Variants in LEF1 observed in about 807,000 individuals in gnomAD.
The protein encoded by LEF1 is lymphoid enhancer binding factor 1.
LEF1 carries 14 observed loss-of-function variants against 51.2 expected under a neutral mutation model. The ratio of observed to expected loss-of-function variants is 0.27; its 90% CI spans 0.18 to 0.43. The LOEUF (loss-of-function observed/expected upper bound fraction) is 0.43, where lower values mean the gene tolerates loss of function less well. Ranked by LOEUF, LEF1 falls within the 20% of genes least tolerant of loss-of-function variation. The pLI is 1.00. For missense variants in LEF1, 386 were observed against 512.0 expected (o/e 0.75, Z 2.37); for synonymous variants, 185 against 183.2 (o/e 1.01, Z -0.08).
intron 3 of LEF1, among the ~76,000 whole-genome samples, chr4:108,145,874 C>T (rs1743968164): frequency 6.6e-6 from 1 of 152,114 alleles, no homozygotes; most frequent in Non-Finnish European, 1.5e-5. Context: ...TAGCTAAAGG[C>T]TCTGGGGTTA....
At chr4:108,164,523 C>T (rs1448995984) in intron 2 of LEF1, among the ~76,000 whole-genome samples, 4 of 152,242 alleles carry the variant, frequency 2.6e-5, no homozygotes, top group Admixed American at 6.5e-5. Flanking sequence ...AGTCTAAATA[C>T]ATATGTATGT....
At chr4:108,144,140 C>A (rs1476655855) in intron 3 of LEF1, among the ~76,000 whole-genome samples, 1 of 152,072 alleles carries the variant, frequency 6.6e-6, no homozygotes, top group Non-Finnish European at 1.5e-5. Flanking sequence ...ATGAGGCATT[C>A]CAATCGCTTC....
intron 8 of LEF1, chr4:108,071,008 T>G (rs1337518436): frequency 2.7e-6 from 1 of 372,192 alleles, no homozygotes; most frequent in Admixed American, 4.1e-5. Flanking sequence ...CACATCAAAG[T>G]CAATCAAAGT....
chr4:108,052,135 G>A (rs1737038929), intron 11 of LEF1, among the ~76,000 whole-genome samples: 1 of 152,164 alleles, frequency 6.6e-6, no homozygotes, highest in African/African-American at 2.4e-5. Flanking sequence ...TCAGGAGCAG[G>A]CAAGGGCCAG....
At chr4:108,132,767 C>G (rs1393252469) in intron 3 of LEF1, among the ~76,000 whole-genome samples, 1 of 145,436 alleles carries the variant, frequency 6.9e-6, no homozygotes, top group Non-Finnish European at 1.5e-5. Flanking sequence ...TCCCCAGGCT[C>G]CAACCATCCT....
At chr4:108,166,625 C>G (rs776256760) in intron 1 of LEF1, 3 of 1,065,652 alleles carry the variant, frequency 2.8e-6, no homozygotes, top group Non-Finnish European at 3.4e-6. Flanking sequence ...CTAGCCAGCA[C>G]CCACGTGTCT....
At chr4:108,165,032 C>G (rs1347526970) in intron 2 of LEF1, 65 bp downstream of exon 2, 15 of 1,408,144 alleles carry the variant, frequency 1.1e-5, no homozygotes, top group African/African-American at 1.4e-5. Flanking sequence ...TAACAAAACA[C>G]ACCTATTTAT....
Position 108,167,394 on chromosome 4 carries a change from ACT to A in LEF1, c.213+159_213+160del. On this transcript the variant is annotated intron_variant, in intron 1 of 11. Coordinates refer to ENST00000265165, the MANE Select transcript of LEF1 (RefSeq NM_016269.5). This position sits in a 1 kb window ranked among gnomAD's most constrained non-coding sequence, Gnocchi z 5.7. Reference sequence around the variant, plus strand: ...CACACACACACACACACACACACACACTGCGGACCGGGGGCCCAGCTACGCAC... The same window carrying A: ...CACACACACACACACACACACACACAGCGGACCGGGGGCCCAGCTACGCAC... 10 of 612,120 alleles carry A rather than the reference ACT, an allele frequency of 1.6e-5. No individual in the cohort carries two copies. The highest frequency in any genetic ancestry group is 1.5e-4 in the East Asian group (5 of 34,196). The allele number at this position is 612,120 out of a possible 1,614,324, so 37.9% of individuals were successfully genotyped here.
intron 3 of LEF1, among the ~76,000 whole-genome samples, chr4:108,095,242 G>C (rs1302966292): frequency 6.6e-6 from 1 of 152,150 alleles, no homozygotes; most frequent in Non-Finnish European, 1.5e-5. Flanking sequence ...TCTTAAGAGG[G>C]GAAGGAACAT....
chr4:108,140,327 T>G lies in LEF1; in HGVS notation c.414+23241A>C, dbSNP rs191970480. ...TTGATAAGATAAAAATTCATTGATG[T>G]TGGCTCATATGAGGCCCACTTCAAC... On this transcript the variant is annotated intron_variant, in intron 3 of 11. Transcript: ENST00000265165. Among the ~76,000 whole-genome samples the G allele has an allele frequency of 2.2e-4, 33 of 152,350 alleles. No individual in the cohort carries two copies. The East Asian group carries it at 6.2e-3, about 28-fold the overall frequency.
chr4:108,091,454 GAA>G (rs1188972900), intron 3 of LEF1, among the ~76,000 whole-genome samples: 26 of 31,832 alleles, frequency 8.2e-4, no homozygotes, highest in East Asian at 2.9e-3. Context: ...ACGGGGGGGG[GAA>G]AAAAAAGGAA....
At position 108,167,151 on chromosome 4, in the gene LEF1, C is replaced by T. The variant is rs1233020803; in HGVS notation, c.213+404G>A. On this transcript the variant is annotated intron_variant, in intron 1 of 11. Transcript: ENST00000265165. The surrounding 1 kb of genome is among the most constrained non-coding windows in gnomAD (Gnocchi z 5.7). Reference sequence around the variant, plus strand: ...CATCTACCAAGAGATAGCGTGTGCACTTTGTTTTCCGTCCCACGGAAGAAT... The same window carrying T: ...CATCTACCAAGAGATAGCGTGTGCATTTTGTTTTCCGTCCCACGGAAGAAT... 2.0e-5 allele frequency among the ~76,000 whole-genome samples: 3 copies of T among 152,176 alleles called. No homozygotes were observed. The highest frequency in any genetic ancestry group is 7.2e-5 in the African/African-American group (3 of 41,436).
At position 108,065,475 on chromosome 4, in the gene LEF1, G is replaced by A. The variant is rs560777492; in HGVS notation, c.1117-1091C>T. Among the ~76,000 whole-genome samples, 4 of 152,324 alleles carry A rather than the reference G, an allele frequency of 2.6e-5. No individual in the cohort carries two copies. In the East Asian group the frequency reaches 7.7e-4, roughly 29 times the overall value. ...CCACAGAGTGAGCCTGGGCCACAGA[G>A]TGAGACTCCATCTCAAAAAATAATA... On this transcript the variant is annotated intron_variant, in intron 9 of 11. Coordinates refer to ENST00000265165, the MANE Select transcript of LEF1 (RefSeq NM_016269.5).
In LEF1 at chr4:108,070,715, T is replaced by C. The variant is rs1032490478; in HGVS notation, c.1064A>G (p.Glu355Gly). The C allele has an allele frequency of 6.2e-7, 1 of 1,613,964 alleles. No individual in the cohort carries two copies. Among genetic ancestry groups the C allele is most frequent in the Non-Finnish European group, 8.5e-7 (1 of 1,179,990 alleles). ...QAKYYELARK[E>G]RQLHMQLYPG... ...ATAAAGCTGCATATGTAGCTGTCTT[T>C]CTTTCCGTGCTAATTCATAATATTT... Residue 355 changes from glutamate (E) to glycine (G), a missense_variant, in exon 9 of 12, where the codon GAA (glutamate) becomes GGA (glycine). Physicochemically the swap from Glu to Gly is moderately conservative, Grantham distance 98. This residue lies in a region of LEF1 where 51 missense variants were observed against 121.3 expected (regional missense o/e 0.42). Transcript: ENST00000265165.
intron 3 of LEF1, among the ~76,000 whole-genome samples, chr4:108,134,382 T>A (rs1743111569): frequency 1.3e-5 from 2 of 152,198 alleles, no homozygotes. Context: ...AACTGACAAA[T>A]TAACCTAGTG....
At chr4:108,077,025 C>CAA (rs35942591) in intron 8 of LEF1, among the ~76,000 whole-genome samples, 24,150 of 97,056 alleles carry the variant, frequency 0.25, 3,715 homozygotes, top group East Asian at 0.62. Context: ...AGACTCATCT[C>CAA]AAAAAAAAAA....
In LEF1 at chr4:108,166,655, T is replaced by G. The variant is rs144047665; in HGVS notation, c.213+900A>C. 502 of 1,011,840 alleles carry G rather than the reference T, an allele frequency of 5.0e-4. 2 individuals carry two copies. In the African/African-American group the frequency reaches 8.0e-3, roughly 16 times the overall value. The allele number at this position is 1,011,840 out of a possible 1,614,324, so 62.7% of individuals were successfully genotyped here. A position where few individuals can be genotyped will look rare whatever the true frequency, so the allele number is the denominator to read the frequency against. On this transcript the variant is annotated intron_variant, in intron 1 of 11. Transcript: ENST00000265165. ...GTGTCTCTATTTACTCTACTCAGGT[T>G]ACCAGCTCTATCGCCCGCAGCGGGC...
At chr4:108,070,615 A>G (rs995480142) in intron 9 of LEF1, 48 bp downstream of exon 9, 1 of 1,237,058 alleles carries the variant, frequency 8.1e-7, no homozygotes. Context: ...AACGCAAAAG[A>G]GCGAATGAGT....
intron 3 of LEF1, among the ~76,000 whole-genome samples, chr4:108,115,742 CA>C (rs1741792540): frequency 1.3e-5 from 2 of 152,122 alleles, no homozygotes; most frequent in Admixed American, 1.3e-4. Flanking sequence ...TTCAAAACAT[CA>C]GAGCAGTGAG....
Sources: allele counts gnomAD v4.1 joint callset (sites outside exome capture counted in the v4.1 genomes callset), GRCh38; gene constraint gnomAD v4.1.1; regional missense constraint gnomAD v4.1.1; non-coding constraint Gnocchi (gnomAD v3.1); transcripts MANE v1.5; gene names NCBI Gene and HGNC (gene_info 2026-07-23, HGNC 2026-07-21).